HMGXB4: variants seen among roughly 807,000 people sequenced by gnomAD.
HMGXB4 encodes HMG domain-containing protein 4.
HMGXB4 carries 27 observed loss-of-function variants against 63.9 expected under a neutral mutation model. The ratio of observed to expected loss-of-function variants is 0.42; its 90% CI spans 0.31 to 0.58. The LOEUF (loss-of-function observed/expected upper bound fraction) is 0.58. Ranked by LOEUF, HMGXB4 falls within the 20% of genes least tolerant of loss-of-function variation. HMGXB4 has a pLI of 0.13. For synonymous variants in HMGXB4, 264 were observed against 265.3 expected, an observed-to-expected ratio of 0.99 and a Z score of 0.05; for missense variants, 624 against 700.7, an observed-to-expected ratio of 0.89 and a Z score of 1.24.
In HMGXB4 at chr22:35,294,342, G is replaced by A. The variant is rs1925121883; in HGVS notation, c.*691G>A. The A allele has an allele frequency of 6.6e-6, 1 of 152,456 alleles. No individual in the cohort carries two copies. Among genetic ancestry groups the A allele is most frequent in the African/African-American group, 2.4e-5 (1 of 41,402 alleles). The allele number at this position is 152,456 out of a possible 1,614,324, so 9.4% of individuals were successfully genotyped here. Reference sequence around the variant, plus strand: ...CCTGGCAGCAAAAAACACCTTGGGGGGTGAAGCTGTCAATGCCACCAGTTG... The same window carrying A: ...CCTGGCAGCAAAAAACACCTTGGGGAGTGAAGCTGTCAATGCCACCAGTTG... On this transcript the variant is annotated 3_prime_UTR_variant, in exon 11 of 11. Coordinates refer to ENST00000216106, the MANE Select transcript of HMGXB4 (RefSeq NM_001003681.3).
intron 5 of HMGXB4, among the ~76,000 whole-genome samples, chr22:35,276,336 G>A (rs982523409): frequency 1.2e-4 from 18 of 152,220 alleles, no homozygotes; most frequent in African/African-American, 3.9e-4. Flanking sequence ...CATTGGCCTT[G>A]TTCAGGAACC....
chr22:35,271,422 G>A (rs1486912440), intron 5 of HMGXB4, among the ~76,000 whole-genome samples: 1 of 152,194 alleles, frequency 6.6e-6, no homozygotes, highest in Non-Finnish European at 1.5e-5. Context: ...AAGGTGAGAA[G>A]AATAGCTGGT....
At chr22:35,271,199 C>T (rs1923582753) in intron 5 of HMGXB4, among the ~76,000 whole-genome samples, 1 of 151,602 alleles carries the variant, frequency 6.6e-6, no homozygotes, top group East Asian at 1.9e-4. Flanking sequence ...AGTTCACAAC[C>T]AGCTGGGCAA....
chr22:35,251,048 T>C, the HMGXB4 span, among the ~76,000 whole-genome samples: 1 of 150,954 alleles, frequency 6.6e-6, no homozygotes, highest in African/African-American at 2.4e-5. Flanking sequence ...CCAAACCCAT[T>C]GCCAATACAA....
At chr22:35,251,680 G>A in the HMGXB4 span, among the ~76,000 whole-genome samples, 3 of 152,262 alleles carry the variant, frequency 2.0e-5, no homozygotes, top group Admixed American at 6.5e-5. Context: ...GATTATTTTC[G>A]TGGCTTTATC....
Position 35,270,252 on chromosome 22 carries a change from C to T in HMGXB4, c.1215+4649C>T, listed in dbSNP as rs531575576. On this transcript the variant is annotated intron_variant, in intron 5 of 10. Coordinates refer to ENST00000216106, the MANE Select transcript of HMGXB4 (RefSeq NM_001003681.3). ...GCTCCACCTCCTGTCAGATTAGCAG[C>T]GGCATTAGATTCTCATAGGAGCACA... Among the ~76,000 whole-genome samples, 109 of 152,200 alleles carry T rather than the reference C, an allele frequency of 7.2e-4. 1 individual carries two copies. Among genetic ancestry groups the T allele is most frequent in the African/African-American group, 2.6e-3 (107 of 41,532 alleles).
At chr22:35,264,006 C>G (rs760565322) in intron 4 of HMGXB4, 132 bp downstream of exon 4, 1 of 1,557,784 alleles carries the variant, frequency 6.4e-7, no homozygotes, top group Non-Finnish European at 8.7e-7. Context: ...TTCTGAGTGC[C>G]GATAAACCAG....
chr22:35,264,439 G>A (rs892785178), intron 4 of HMGXB4, among the ~76,000 whole-genome samples: 3 of 152,202 alleles, frequency 2.0e-5, no homozygotes, highest in African/African-American at 7.2e-5. Context: ...TTAGTGGCAA[G>A]AACTGTGTCC....
intron 5 of HMGXB4, among the ~76,000 whole-genome samples, chr22:35,268,600 G>A (rs1297986076): frequency 1.3e-5 from 2 of 152,168 alleles, no homozygotes; most frequent in Non-Finnish European, 2.9e-5. Flanking sequence ...AGCTCCAAGA[G>A]GACCAGGACC....
intron 2 of HMGXB4, chr22:35,262,809 A>G: frequency 1.9e-6 from 1 of 525,746 alleles, no homozygotes. Flanking sequence ...CTCCTACCAA[A>G]TCACAACTCA....
rs1923636348 is a variant in HMGXB4 at position 35,272,032 on chromosome 22, T to C, written c.1215+6429T>C. Among the ~76,000 whole-genome samples the C allele has an allele frequency of 2.0e-5, 3 of 152,190 alleles. No individual in the cohort carries two copies. In the South Asian group the frequency reaches 6.2e-4, roughly 32 times the overall value. ...CAATGGAAGTTCAAGACCCAGAATT[T>C]GGCTGGAACTTGGGTGAGAAATTGG... On this transcript the variant is annotated intron_variant, in intron 5 of 10. Coordinates refer to ENST00000216106, the MANE Select transcript of HMGXB4 (RefSeq NM_001003681.3).
intron 7 of HMGXB4, 131 bp from the exon 8 acceptor site, chr22:35,287,216 T>G (rs1035894302): frequency 3.0e-6 from 2 of 671,458 alleles, no homozygotes; most frequent in Non-Finnish European, 5.2e-6. Context: ...GCTTAAAAGT[T>G]AGCATTAACC....
Position 35,264,714 on chromosome 22 carries a change from C to A in HMGXB4, c.326C>A (p.Ala109Asp), listed in dbSNP as rs1381658633. 1 of 1,613,352 alleles carries A rather than the reference C, an allele frequency of 6.2e-7. No homozygotes were observed. The highest frequency in any genetic ancestry group is 1.3e-5 in the African/African-American group (1 of 74,910). Residue 109 changes from alanine to aspartate, a missense_variant, in exon 5 of 11, where the codon GCT becomes GAT. Around this residue, in one of 2 missense-constraint regions of HMGXB4, gnomAD observed 472 missense variants for 470.6 expected, o/e 1.00. Transcript: ENST00000216106. ...KKSSPQSTDT[A>D]MDLLKAITSP... Reference sequence around the variant, plus strand: ...TCCAGCCCACAGTCTACTGATACAGCTATGGACCTGTTGAAAGCTATCACT... The same window carrying A: ...TCCAGCCCACAGTCTACTGATACAGATATGGACCTGTTGAAAGCTATCACT...
At chr22:35,276,595 G>A (rs1258192615) in intron 5 of HMGXB4, among the ~76,000 whole-genome samples, 1 of 152,186 alleles carries the variant, frequency 6.6e-6, no homozygotes, top group Non-Finnish European at 1.5e-5. Flanking sequence ...GGGCGAGGGT[G>A]TGTATGTGTT....
the HMGXB4 span, among the ~76,000 whole-genome samples, chr22:35,246,330 A>G: frequency 4.0e-5 from 6 of 151,878 alleles, no homozygotes; most frequent in African/African-American, 1.5e-4. Flanking sequence ...GATAGAGTGC[A>G]GTGGCACGAT....
rs200278737 is a variant in HMGXB4 at position 35,290,111 on chromosome 22, CAGA to C, written c.1638+1710_1638+1712del. On this transcript the variant is annotated intron_variant, in intron 9 of 10. Coordinates refer to ENST00000216106, the MANE Select transcript of HMGXB4 (RefSeq NM_001003681.3). ...ATATCTGAATGGATATAGATATTTC[CAGA>C]AGAAGTATTCTATGACCTTACTTAT... is the stretch of plus-strand genomic sequence containing the variant. 5.6e-3 allele frequency among the ~76,000 whole-genome samples: 848 copies of C among 152,200 alleles called. 4 individuals are homozygous for C. Among genetic ancestry groups the C allele is most frequent in the Non-Finnish European group, 8.8e-3 (596 of 68,002 alleles).
chr22:35,289,962 T>C (rs1924826892), intron 9 of HMGXB4, among the ~76,000 whole-genome samples: 1 of 152,204 alleles, frequency 6.6e-6, no homozygotes, highest in Non-Finnish European at 1.5e-5. Context: ...AATGTGGAAA[T>C]TGAATTATTC....
chr22:35,282,314 C>T (rs1924302893), intron 5 of HMGXB4, among the ~76,000 whole-genome samples: 1 of 152,134 alleles, frequency 6.6e-6, no homozygotes, highest in Admixed American at 6.5e-5. Flanking sequence ...GTAGCTGGGA[C>T]TACAGGCGCC....
intron 5 of HMGXB4, 135 bp downstream of exon 5, chr22:35,265,738 A>G (rs1465400459): frequency 7.2e-6 from 9 of 1,247,562 alleles, no homozygotes; most frequent in Admixed American, 5.9e-5. Context: ...TTGGAATGAT[A>G]TAAAGTATAA....
Sources: allele counts gnomAD v4.1 joint callset (sites outside exome capture counted in the v4.1 genomes callset), GRCh38; gene constraint gnomAD v4.1.1; regional missense constraint gnomAD v4.1.1; transcripts MANE v1.5; gene names NCBI Gene and HGNC (gene_info 2026-07-23, HGNC 2026-07-21).